Variants in RBM26 observed in about 807,000 individuals in gnomAD.
RBM26 encodes the protein RNA binding motif protein 26, also known as RNA-binding protein 26.
RBM26 carries 30 observed loss-of-function variants against 123.6 expected under a neutral mutation model. The observed-to-expected ratio is 0.24, with a 90% CI of 0.18 to 0.33. The LOEUF is 0.33. RBM26 is among the 10% of genes least tolerant of loss of function. RBM26 has a pLI of 1.00. For synonymous variants in RBM26, 400 were observed against 404.4 expected, an observed-to-expected ratio of 0.99 and a Z score of 0.13; for missense variants, 947 against 1,203.6, an observed-to-expected ratio of 0.79 and a Z score of 3.15.
chr13:79,355,215 C>T lies in RBM26; in HGVS notation c.1854+5G>A, dbSNP rs761965083. 6.2e-7 allele frequency: 1 copy of T among 1,612,996 alleles called. No homozygotes were observed. Among genetic ancestry groups the T allele is most frequent in the South Asian group, 1.1e-5 (1 of 90,994 alleles). The stretch of plus-strand genomic sequence containing the variant: ...CGCGTACTTTTACACAAATTCCTCT[C>T]TTACCTTTGGAGAAGTAGTTTGTAA... On this transcript the variant is annotated splice_donor_5th_base_variant and intron_variant, in intron 12 of 21. Transcript: ENST00000438737.
chr13:79,342,740 A>G lies in RBM26; in HGVS notation c.2351T>C (p.Ile784Thr). The change falls in exon 17 of 22, where the codon ATT becomes ACT. Residue 784 changes from isoleucine to threonine, a missense_variant. By Grantham distance (89) the Ile-to-Thr change is moderately conservative (BLOSUM62 -1). Around this residue, in one of 5 missense-constraint regions of RBM26, gnomAD observed 493 missense variants for 563.1 expected, o/e 0.88. Coordinates refer to ENST00000438737, the MANE Select transcript of RBM26 (RefSeq NM_001366735.2). ...TTTGACCTCATCTTTCAACTTGGTA[A>G]TATTTTTTGTCAAAACCTCTAAAGT... ...MKTLEVLTKN[I>T]TKLKDEVKAA... The G allele has an allele frequency of 6.2e-7, 1 of 1,611,926 alleles. No homozygotes were observed. The highest frequency in any genetic ancestry group is 8.5e-7 in the Non-Finnish European group (1 of 1,178,442).
At chr13:79,344,205 T>A (rs781272318) in intron 16 of RBM26, 43 bp downstream of exon 16, 75 of 1,241,332 alleles carry the variant, frequency 6.0e-5, no homozygotes, top group Non-Finnish European at 8.9e-5. Flanking sequence ...CACTCCAAAT[T>A]ATAACATTTG....
intron 1 of RBM26, among the ~76,000 whole-genome samples, chr13:79,385,054 T>C (rs1333312210): frequency 1.3e-5 from 2 of 152,182 alleles, no homozygotes; most frequent in Non-Finnish European, 2.9e-5. Flanking sequence ...ATATGTTAAC[T>C]GAGTAACTTT....
At chr13:79,330,159 T>C (rs1467947984) in intron 20 of RBM26, among the ~76,000 whole-genome samples, 1 of 152,226 alleles carries the variant, frequency 6.6e-6, no homozygotes, top group Admixed American at 6.5e-5. Context: ...ATTTGAGTTT[T>C]AAAGCTGAAA....
At position 79,319,624 on chromosome 13, in the gene RBM26, T is replaced by C. The variant is rs1017862652; in HGVS notation, c.*997A>G. ...CAAGTTTTCTTTCATACATCCAAAA[T>C]GTAATGTGATGTTTTCTTATTCACC... On this transcript the variant is annotated 3_prime_UTR_variant, in exon 22 of 22. Transcript: ENST00000438737. 6.1e-6 allele frequency: 6 copies of C among 984,120 alleles called. No homozygotes were observed. The highest frequency in any genetic ancestry group is 7.2e-6 in the Non-Finnish European group (6 of 829,074). The allele number at this position is 984,120 out of a possible 1,614,324, so 61.0% of individuals were successfully genotyped here. A position where few individuals can be genotyped will look rare whatever the true frequency, so the allele number is the denominator to read the frequency against.
At chr13:79,372,023 G>T in intron 3 of RBM26, 93 bp from the exon 4 acceptor site, 1 of 911,718 alleles carries the variant, frequency 1.1e-6, no homozygotes, top group African/African-American at 1.7e-5. Flanking sequence ...GTTCATGCCT[G>T]TAATGCCAGC....
intron 1 of RBM26, among the ~76,000 whole-genome samples, chr13:79,379,304 C>T (rs538929909): frequency 7.1e-6 from 1 of 140,798 alleles, no homozygotes; most frequent in Non-Finnish European, 1.5e-5. Flanking sequence ...GAGACCTAGG[C>T]GGGCAGATCG....
intron 1 of RBM26, among the ~76,000 whole-genome samples, chr13:79,393,508 T>C (rs2078278834): frequency 6.6e-6 from 1 of 152,208 alleles, no homozygotes; most frequent in Admixed American, 6.5e-5. Flanking sequence ...CAGATCCATA[T>C]GGATTTGCAG....
chr13:79,387,261 C>T (rs1029180251), intron 1 of RBM26, among the ~76,000 whole-genome samples: 10 of 147,476 alleles, frequency 6.8e-5, no homozygotes, highest in Non-Finnish European at 3.0e-5. Context: ...CCCTAACAAT[C>T]GTTAAGGGAT....
intron 3 of RBM26, among the ~76,000 whole-genome samples, chr13:79,372,765 T>TTATATTATATATAATTATGTGATA (rs1555330222): frequency 1.0e-5 from 1 of 96,556 alleles, no homozygotes; most frequent in African/African-American, 4.8e-5. Flanking sequence ...ATTATATATT[T>TTATATTATATATAATTATGTGATA]TATATTATAT....
chr13:79,356,591 A>G (rs997755773), intron 11 of RBM26, among the ~76,000 whole-genome samples: 3 of 152,174 alleles, frequency 2.0e-5, no homozygotes, highest in Non-Finnish European at 2.9e-5. Flanking sequence ...AGAAGTATTC[A>G]ATAAACATTA....
intron 1 of RBM26, among the ~76,000 whole-genome samples, chr13:79,395,689 G>A (rs919070887): frequency 3.3e-5 from 5 of 152,248 alleles, no homozygotes; most frequent in South Asian, 4.1e-4. Flanking sequence ...AGTCCGCAAT[G>A]AGCTATAATC....
intron 3 of RBM26, 154 bp downstream of exon 3, chr13:79,377,225 T>C (rs1279180412): frequency 3.4e-6 from 2 of 587,922 alleles, no homozygotes; most frequent in African/African-American, 3.7e-5. Context: ...TAAGCACAAT[T>C]ATATGCAGAG....
rs2076756192 is a variant in RBM26, at chr13:79,377,626, T to C, written c.191-111A>G. The C allele has an allele frequency of 9.1e-6, 8 of 880,680 alleles. No homozygotes were observed. The East Asian group carries it at 1.6e-4, about 18-fold the overall frequency. The allele number at this position is 880,680 out of a possible 1,614,324, so 54.6% of individuals were successfully genotyped here. On this transcript the variant is annotated intron_variant, in intron 2 of 21. Transcript: ENST00000438737. ...GAAACATACCTTGACTTTTATAAACTAGAAAATATACTAGCACTGGCCAGG... is the reference window on the plus strand; with the variant it reads ...GAAACATACCTTGACTTTTATAAACCAGAAAATATACTAGCACTGGCCAGG...
At chr13:79,357,951 C>T (rs188127542) in intron 11 of RBM26, among the ~76,000 whole-genome samples, 214 of 149,058 alleles carry the variant, frequency 1.4e-3, no homozygotes, top group Admixed American at 5.3e-3. Flanking sequence ...GGCGCAATCT[C>T]GGCTCGCTGC....
intron 9 of RBM26, among the ~76,000 whole-genome samples, chr13:79,364,398 TACTA>T (rs750470361): frequency 1.2e-4 from 19 of 152,302 alleles, no homozygotes; most frequent in South Asian, 6.2e-4. Context: ...CACTGTTACT[TACTA>T]ACTAAGACTT....
intron 6 of RBM26, among the ~76,000 whole-genome samples, chr13:79,367,500 T>C (rs1186331146): frequency 6.6e-6 from 1 of 150,608 alleles, no homozygotes; most frequent in Non-Finnish European, 1.5e-5. Context: ...TAGGAGGTGT[T>C]AGGGTCATGG....
At chr13:79,337,419 C>CT in intron 18 of RBM26, 117 bp from the exon 19 acceptor site, 2 of 1,154,038 alleles carry the variant, frequency 1.7e-6, no homozygotes, top group Non-Finnish European at 2.5e-6. Flanking sequence ...TTCAAATGCC[C>CT]TATAAAAGGA....
intron 14 of RBM26, among the ~76,000 whole-genome samples, chr13:79,348,938 A>C (rs922078417): frequency 3.3e-5 from 5 of 152,134 alleles, no homozygotes; most frequent in Non-Finnish European, 5.9e-5. Context: ...TATTCTTTTA[A>C]TTGACAAAAA....
Sources: allele counts gnomAD v4.1 joint callset (sites outside exome capture counted in the v4.1 genomes callset), GRCh38; gene constraint gnomAD v4.1.1; regional missense constraint gnomAD v4.1.1; transcripts MANE v1.5; gene names NCBI Gene and HGNC (gene_info 2026-07-23, HGNC 2026-07-21).